Variants in GPLD1 observed in about 807,000 individuals in gnomAD.
GPLD1 encodes the protein glycosylphosphatidylinositol specific phospholipase D1.
In GPLD1, 84 loss-of-function variants were observed where a neutral mutation model predicts 112.6. The observed-to-expected ratio is 0.75, with a 90% confidence interval of 0.63 to 0.89. GPLD1 has a LOEUF of 0.89. GPLD1 is among the 40% of genes least tolerant of loss of function. The pLI is 0.00. For synonymous variants in GPLD1, 386 were observed against 403.8 expected, an observed-to-expected ratio of 0.96 and a Z score of 0.53; for missense variants, 1,044 against 1,051.5, an observed-to-expected ratio of 0.99 and a Z score of 0.10.
intron 15 of GPLD1, among the ~76,000 whole-genome samples, chr6:24,449,372 T>G (rs1345474179): frequency 6.6e-6 from 1 of 151,956 alleles, no homozygotes; most frequent in Non-Finnish European, 1.5e-5. Context: ...TGGGCCAGGG[T>G]CCAGGATCTC....
At chr6:24,465,476 G>A (rs1763574461) in intron 10 of GPLD1, among the ~76,000 whole-genome samples, 1 of 152,124 alleles carries the variant, frequency 6.6e-6, no homozygotes, top group Non-Finnish European at 1.5e-5. Flanking sequence ...GGAGGTGGAG[G>A]TTGTAGCGAG....
chr6:24,474,499 C>T (rs370511014), intron 5 of GPLD1, among the ~76,000 whole-genome samples: 1 of 152,114 alleles, frequency 6.6e-6, no homozygotes, highest in Non-Finnish European at 1.5e-5. Flanking sequence ...GTATTCATAT[C>T]CTTCTTAAGA....
At chr6:24,468,713 C>T (rs1017987011) in intron 7 of GPLD1, among the ~76,000 whole-genome samples, 1 of 152,170 alleles carries the variant, frequency 6.6e-6, no homozygotes, top group African/African-American at 2.4e-5. Context: ...GCCACCATGC[C>T]TGGCCAAAAC....
chr6:24,469,532 A>C (rs1763728575), intron 7 of GPLD1, among the ~76,000 whole-genome samples: 1 of 100,016 alleles, frequency 1.0e-5, no homozygotes, highest in Non-Finnish European at 2.0e-5. Flanking sequence ...GCAAGAACAA[A>C]AAACCAAACA....
upstream of GPLD1, among the ~76,000 whole-genome samples, chr6:24,490,210 G>C (rs1764519311): frequency 6.6e-6 from 1 of 152,172 alleles, no homozygotes; most frequent in East Asian, 1.9e-4. Flanking sequence ...TTCCACTTGG[G>C]AGGTGGAAGG....
intron 10 of GPLD1, among the ~76,000 whole-genome samples, chr6:24,465,196 C>CA (rs34368143): frequency 0.23 from 23,119 of 101,090 alleles, 3,007 homozygotes; most frequent in Non-Finnish European, 0.32. Flanking sequence ...GACTCTGTCT[C>CA]AAAAAAAAAA....
intron 24 of GPLD1, among the ~76,000 whole-genome samples, chr6:24,429,433 C>T (rs1762334416): frequency 6.6e-6 from 1 of 152,212 alleles, no homozygotes; most frequent in Non-Finnish European, 1.5e-5. Flanking sequence ...TAAGGACTTC[C>T]CCTAGAAGCT....
chr6:24,462,923 A>G, intron 10 of GPLD1, 128 bp from the exon 11 acceptor site: 1 of 680,870 alleles, frequency 1.5e-6, no homozygotes, highest in Non-Finnish European at 2.6e-6. Context: ...GCCATACAGG[A>G]CTAATTAAGA....
chr6:24,453,369 C>T (rs2127341732), intron 14 of GPLD1, among the ~76,000 whole-genome samples: 1 of 152,342 alleles, frequency 6.6e-6, no homozygotes, highest in Middle Eastern at 3.4e-3. Context: ...GATGCAGTGG[C>T]TCACGCCTGT....
At chr6:24,466,214 G>A (rs1186046156) in intron 10 of GPLD1, among the ~76,000 whole-genome samples, 2 of 152,258 alleles carry the variant, frequency 1.3e-5, no homozygotes, top group Non-Finnish European at 2.9e-5. Context: ...AGGGATGGTG[G>A]TGCACACCTG....
chr6:24,436,261 T>TAAA (rs1762576225), intron 22 of GPLD1, among the ~76,000 whole-genome samples: 2 of 152,164 alleles, frequency 1.3e-5, no homozygotes, highest in Admixed American at 1.3e-4. Context: ...GTCTCTATTT[T>TAAA]AAAAAGAGAA....
chr6:24,462,143 CTTTT>C (rs1297015759), intron 11 of GPLD1, among the ~76,000 whole-genome samples: 1 of 151,916 alleles, frequency 6.6e-6, no homozygotes, highest in Non-Finnish European at 1.5e-5. Flanking sequence ...TTTCTTCTTT[CTTTT>C]TTTGAGACAG....
chr6:24,467,351 A>C (rs1464246624), intron 7 of GPLD1, 77 bp from the exon 8 acceptor site: 2 of 803,784 alleles, frequency 2.5e-6, no homozygotes, highest in Non-Finnish European at 4.3e-6. Flanking sequence ...AGCAGCTACC[A>C]GTTATTCCGT....
chr6:24,447,234 G>A (rs1561836051), intron 17 of GPLD1, among the ~76,000 whole-genome samples: 1 of 152,078 alleles, frequency 6.6e-6, no homozygotes, highest in Non-Finnish European at 1.5e-5. Flanking sequence ...GGCCAGGTGC[G>A]GTGGCTCACA....
intron 12 of GPLD1, among the ~76,000 whole-genome samples, chr6:24,457,528 A>G (rs1763306052): frequency 6.6e-6 from 1 of 152,248 alleles, no homozygotes; most frequent in Admixed American, 6.5e-5. Flanking sequence ...CTTTAATTGT[A>G]TTTGTATATG....
rs377255643 is a variant in GPLD1 at position 24,456,855 on chromosome 6, G to C, written c.1009-218C>G. Among the ~76,000 whole-genome samples the C allele has an allele frequency of 3.3e-5, 5 of 152,302 alleles. 1 individual carries two copies. The highest frequency in any genetic ancestry group is 1.2e-4 in the African/African-American group (5 of 41,564). On this transcript the variant is annotated intron_variant, in intron 12 of 24. Transcript: ENST00000230036. ...CCCCAAATTATGCTGAGGGATGGCA[G>C]AGTTACAGCCCAAGAGGTTGGGACC...
In GPLD1 at chr6:24,454,034, C is replaced by T. The variant is rs575360436; in HGVS notation, c.1316G>A (p.Arg439Lys). ...VDLDLDKEAH[R>K]ILEGFQPSGR... ...TCTCACCTGGAAGCCTTCAAGGATC[C>T]TGTGGGCCTCCTTGTCCAGGTCCAG... The change falls in exon 14 of 25, where the codon AGG (arginine) becomes AAG (lysine). Residue 439 changes from arginine (R) to lysine (K), a missense_variant. Arg to Lys is a conservative substitution (Grantham distance 26, BLOSUM62 2). Coordinates refer to ENST00000230036, the MANE Select transcript of GPLD1 (RefSeq NM_001503.4). 1 of 1,611,788 alleles carries T rather than the reference C, an allele frequency of 6.2e-7. No individual in the cohort carries two copies. The highest frequency in any genetic ancestry group is 8.5e-7 in the Non-Finnish European group (1 of 1,178,528).
chr6:24,435,836 A>AAAAAAAAAAAAAAAT (rs1427422814), intron 22 of GPLD1: 2 of 146,516 alleles, frequency 1.4e-5, no homozygotes, highest in Admixed American at 6.8e-5. Context: ...AAAAAAAAAA[A>AAAAAAAAAAAAAAAT]AAAAAAAAAA....
chr6:24,468,795 A>G (rs1349336443), intron 7 of GPLD1, among the ~76,000 whole-genome samples: 1 of 152,188 alleles, frequency 6.6e-6, no homozygotes, highest in East Asian at 1.9e-4. Flanking sequence ...ACTGGCCAAC[A>G]GCCATTTCGC....
Sources: allele counts gnomAD v4.1 joint callset (sites outside exome capture counted in the v4.1 genomes callset), GRCh38; gene constraint gnomAD v4.1.1; transcripts MANE v1.5; gene names NCBI Gene and HGNC (gene_info 2026-07-23, HGNC 2026-07-21).